Variants in CPNE8 observed in about 807,000 individuals in gnomAD.
CPNE8 encodes copine-8.
Under a neutral mutation model 81.5 loss-of-function variants are expected in CPNE8, and 45 were observed. The ratio of observed to expected loss-of-function variants is 0.55; its 90% confidence interval spans 0.44 to 0.71. The LOEUF (loss-of-function observed/expected upper bound fraction) is 0.71, where lower values mean the gene tolerates loss of function less well. Among genes scored for constraint, CPNE8 ranks in the 30% least tolerant of loss-of-function variants. CPNE8 has a pLI of 0.00. For missense variants in CPNE8, 594 were observed against 672.1 expected (o/e 0.88, Z 1.28); for synonymous variants, 252 against 226.3 (o/e 1.11, Z -1.02).
intron 6 of CPNE8, among the ~76,000 whole-genome samples, chr12:38,828,126 T>A (rs1943229332): frequency 1.3e-5 from 2 of 152,208 alleles, no homozygotes; most frequent in South Asian, 4.1e-4. Context: ...CATATATTAT[T>A]GATTCTTTTT....
intron 11 of CPNE8, among the ~76,000 whole-genome samples, chr12:38,726,182 G>A (rs1940692262): frequency 6.6e-6 from 1 of 151,044 alleles, no homozygotes; most frequent in Non-Finnish European, 1.5e-5. Flanking sequence ...GAAAATGAAG[G>A]CAACAGTTAG....
At chr12:38,851,220 T>G (rs1211804431) in intron 3 of CPNE8, among the ~76,000 whole-genome samples, 3 of 152,218 alleles carry the variant, frequency 2.0e-5, no homozygotes, top group African/African-American at 7.2e-5. Context: ...TTAAATCCCA[T>G]CTACATGATA....
At chr12:38,860,002 G>A (rs1943805758) in intron 3 of CPNE8, among the ~76,000 whole-genome samples, 1 of 152,024 alleles carries the variant, frequency 6.6e-6, no homozygotes. Flanking sequence ...TTGGTCTTGG[G>A]CCATGAATTC....
intron 8 of CPNE8, 144 bp from the exon 9 acceptor site, chr12:38,762,360 G>C: frequency 2.4e-6 from 1 of 413,832 alleles, no homozygotes; most frequent in Non-Finnish European, 4.3e-6. Context: ...AAAGAGATAC[G>C]TGATTTTAAA....
intron 5 of CPNE8, among the ~76,000 whole-genome samples, chr12:38,835,984 G>A (rs1943373183): frequency 6.6e-6 from 1 of 151,978 alleles, no homozygotes; most frequent in Non-Finnish European, 1.5e-5. Context: ...ATGTTATCTG[G>A]TCCAACATCC....
At chr12:38,769,487 G>T (rs1008672377) in intron 7 of CPNE8, among the ~76,000 whole-genome samples, 5 of 152,118 alleles carry the variant, frequency 3.3e-5, no homozygotes, top group African/African-American at 1.2e-4. Context: ...CATTGAAAAG[G>T]CGAGCTGTTT....
chr12:38,812,449 C>T (rs952575602), intron 6 of CPNE8, among the ~76,000 whole-genome samples: 1 of 152,118 alleles, frequency 6.6e-6, no homozygotes, highest in African/African-American at 2.4e-5. Flanking sequence ...CACATGGCAT[C>T]AGGAAGGAGA....
At chr12:38,858,696 T>C (rs980984190) in intron 3 of CPNE8, among the ~76,000 whole-genome samples, 1 of 152,194 alleles carries the variant, frequency 6.6e-6, no homozygotes, top group African/African-American at 2.4e-5. Flanking sequence ...TTTTTGCTAG[T>C]CCTCAATTTG....
intron 17 of CPNE8, among the ~76,000 whole-genome samples, chr12:38,677,173 T>C (rs1335024375): frequency 6.6e-6 from 1 of 152,118 alleles, no homozygotes; most frequent in African/African-American, 2.4e-5. Flanking sequence ...ATCAAACTAA[T>C]AGAGGTTAAC....
intron 5 of CPNE8, among the ~76,000 whole-genome samples, chr12:38,834,687 A>G (rs139053415): frequency 0.013 from 1,905 of 152,208 alleles, 151 homozygotes; most frequent in Admixed American, 0.1. Flanking sequence ...AAATGCATAA[A>G]TCAGATCACA....
At chr12:38,686,274 T>G (rs1035479339) in intron 15 of CPNE8, among the ~76,000 whole-genome samples, 5 of 148,502 alleles carry the variant, frequency 3.4e-5, no homozygotes, top group African/African-American at 4.9e-5. Flanking sequence ...AGGAAAGGAA[T>G]AAAAAAAAAA....
At chr12:38,790,038 A>T (rs1156913754) in intron 6 of CPNE8, among the ~76,000 whole-genome samples, 1 of 151,780 alleles carries the variant, frequency 6.6e-6, no homozygotes. Context: ...CACTTTGGGG[A>T]TTACTCAAAA....
chr12:38,887,176 C>A (rs955984731), intron 1 of CPNE8, among the ~76,000 whole-genome samples: 4 of 152,132 alleles, frequency 2.6e-5, no homozygotes, highest in Admixed American at 2.0e-4. Flanking sequence ...GCACTGTCAA[C>A]AGCAATGTTT....
chr12:38,732,845 T>A (rs1463325871), intron 10 of CPNE8, among the ~76,000 whole-genome samples: 1 of 151,996 alleles, frequency 6.6e-6, no homozygotes, highest in Non-Finnish European at 1.5e-5. Flanking sequence ...AAAATATTAG[T>A]CCTCCTTTCT....
At chr12:38,874,209 C>T (rs1044079454) in intron 2 of CPNE8, among the ~76,000 whole-genome samples, 3 of 151,958 alleles carry the variant, frequency 2.0e-5, no homozygotes, top group Non-Finnish European at 4.4e-5. Context: ...TAATTTCTAC[C>T]AAATGGCCAT....
intron 6 of CPNE8, among the ~76,000 whole-genome samples, chr12:38,811,548 T>C (rs898596200): frequency 6.6e-6 from 1 of 152,182 alleles, no homozygotes; most frequent in Non-Finnish European, 1.5e-5. Flanking sequence ...GGTTCCATAA[T>C]ATAATTGTTT....
chr12:38,796,300 C>G (rs1437511472), intron 6 of CPNE8, among the ~76,000 whole-genome samples: 1 of 145,354 alleles, frequency 6.9e-6, no homozygotes, highest in African/African-American at 2.5e-5. Flanking sequence ...AAATTAAAAA[C>G]AAAAAAAAAA....
At chr12:38,685,353 A>G in intron 16 of CPNE8, 137 bp downstream of exon 16, 1 of 830,010 alleles carries the variant, frequency 1.2e-6, no homozygotes, top group East Asian at 2.7e-5. Context: ...TCTTTCTAAC[A>G]TACATTTTTT....
At chr12:38,880,178 C>A (rs1051625985) in intron 1 of CPNE8, among the ~76,000 whole-genome samples, 2 of 152,190 alleles carry the variant, frequency 1.3e-5, no homozygotes, top group Admixed American at 6.5e-5. Flanking sequence ...ATGTCCCCTG[C>A]AAATTGCCCT....
Sources: allele counts gnomAD v4.1 joint callset (sites outside exome capture counted in the v4.1 genomes callset), GRCh38; gene constraint gnomAD v4.1.1; transcripts MANE v1.5; gene names NCBI Gene and HGNC (gene_info 2026-07-23, HGNC 2026-07-21).